SPIDR: variants seen among roughly 807,000 people sequenced by gnomAD.
SPIDR encodes DNA repair-scaffolding protein.
Under a neutral mutation model 104.6 loss-of-function variants are expected in SPIDR, and 93 were observed. The observed-to-expected ratio is 0.89, with a 90% confidence interval of 0.75 to 1.06. The LOEUF (loss-of-function observed/expected upper bound fraction) is 1.06, where lower values mean the gene tolerates loss of function less well. Ranked by LOEUF, SPIDR falls within the 50% of genes least tolerant of loss-of-function variation. SPIDR has a pLI of 0.00. For missense variants in SPIDR, 1,154 were observed against 1,111.2 expected (o/e 1.04, Z -0.55); for synonymous variants, 431 against 416.9 (o/e 1.03, Z -0.41).
chr8:47,673,607 A>T, intron 10 of SPIDR, 194 bp from the exon 11 acceptor site: 2 of 689,974 alleles, frequency 2.9e-6, no homozygotes, highest in South Asian at 1.7e-5. Flanking sequence ...TTTAATCCTG[A>T]CTCACCCATT....
chr8:47,500,929 G>C (rs1319679756), intron 8 of SPIDR, among the ~76,000 whole-genome samples: 1 of 152,096 alleles, frequency 6.6e-6, no homozygotes, highest in East Asian at 1.9e-4. Flanking sequence ...TTTTTGTCAG[G>C]TTTGTCAAAG....
At chr8:47,366,937 A>G (rs1375365145) in intron 5 of SPIDR, among the ~76,000 whole-genome samples, 1 of 152,222 alleles carries the variant, frequency 6.6e-6, no homozygotes, top group Non-Finnish European at 1.5e-5. Flanking sequence ...AAATTGTGGT[A>G]GGTAGAATTC....
intron 8 of SPIDR, among the ~76,000 whole-genome samples, chr8:47,466,598 C>T (rs926378571): frequency 3.3e-5 from 5 of 152,038 alleles, no homozygotes; most frequent in East Asian, 3.9e-4. Flanking sequence ...CAGTGGCTCA[C>T]GCCTGTAATC....
At chr8:47,400,327 C>T (rs550911830) in intron 6 of SPIDR, among the ~76,000 whole-genome samples, 1 of 152,324 alleles carries the variant, frequency 6.6e-6, no homozygotes, top group South Asian at 2.1e-4. Context: ...TCATTTTCTT[C>T]TTGTGATTTC....
At chr8:47,679,150 C>T (rs142185908) in intron 11 of SPIDR, among the ~76,000 whole-genome samples, 138 of 152,348 alleles carry the variant, frequency 9.1e-4, no homozygotes, top group African/African-American at 3.1e-3. Flanking sequence ...ACTCTGGTGC[C>T]TGTGCCTAGG....
intron 5 of SPIDR, among the ~76,000 whole-genome samples, chr8:47,343,789 T>C (rs1554615555): frequency 6.6e-6 from 1 of 152,044 alleles, no homozygotes; most frequent in African/African-American, 2.4e-5. Flanking sequence ...TCCCAGAAGT[T>C]TCTACAGTTA....
rs1554711124 is a variant in SPIDR, at chr8:47,458,370, A to ATTTTATTTTG, written c.1097+17837_1097+17838insGTTTTATTTT. Among the ~76,000 whole-genome samples, 535 of 148,180 alleles carry ATTTTATTTTG rather than the reference A, an allele frequency of 3.6e-3. 6 individuals are homozygous for ATTTTATTTTG. The highest frequency in any genetic ancestry group is 0.013 in the African/African-American group (507 of 40,356). The stretch of plus-strand genomic sequence containing the variant: ...ATTTTATTTTATTTTATTTTATTTT[A>ATTTTATTTTG]TTTTATTTTATTTTATTTTATTGCA... On this transcript the variant is annotated intron_variant, in intron 8 of 19. Coordinates refer to ENST00000297423, the MANE Select transcript of SPIDR (RefSeq NM_001080394.4).
intron 7 of SPIDR, among the ~76,000 whole-genome samples, chr8:47,412,629 G>A (rs1198970989): frequency 6.6e-6 from 1 of 152,070 alleles, no homozygotes; most frequent in Non-Finnish European, 1.5e-5. Context: ...CTTAACTTGT[G>A]ATTATTTTAT....
chr8:47,269,060 G>T (rs1413025462), intron 1 of SPIDR, among the ~76,000 whole-genome samples: 1 of 152,034 alleles, frequency 6.6e-6, no homozygotes, highest in Non-Finnish European at 1.5e-5. Flanking sequence ...CCAGCTACTC[G>T]GGAGGCTGAG....
intron 8 of SPIDR, among the ~76,000 whole-genome samples, chr8:47,526,254 C>T (rs115507389): frequency 9.2e-4 from 140 of 152,292 alleles, no homozygotes; most frequent in Middle Eastern, 3.4e-3. Flanking sequence ...ACAACATGTG[C>T]ATTTCTCACT....
chr8:47,281,605 C>A (rs963918763), intron 2 of SPIDR, among the ~76,000 whole-genome samples: 18 of 152,322 alleles, frequency 1.2e-4, no homozygotes, highest in African/African-American at 4.3e-4. Flanking sequence ...CCATTCAACT[C>A]GTAGGAAATT....
intron 10 of SPIDR, among the ~76,000 whole-genome samples, chr8:47,612,311 A>G (rs145501297): frequency 3.0e-4 from 46 of 152,288 alleles, no homozygotes; most frequent in African/African-American, 1.0e-3. Flanking sequence ...GGAGAAGCTG[A>G]ACATCTCTGA....
chr8:47,614,914 T>G (rs2064092844), intron 10 of SPIDR, among the ~76,000 whole-genome samples: 1 of 152,212 alleles, frequency 6.6e-6, no homozygotes, highest in Non-Finnish European at 1.5e-5. Flanking sequence ...AGATGGTATC[T>G]CATTGTGGTT....
At chr8:47,307,880 T>A (rs889883081) in intron 5 of SPIDR, among the ~76,000 whole-genome samples, 16 of 152,238 alleles carry the variant, frequency 1.1e-4, no homozygotes, top group African/African-American at 3.9e-4. Flanking sequence ...ATAAAGTCTT[T>A]CTCTGGAAGG....
chr8:47,434,060 T>G (rs1279234681), intron 7 of SPIDR, among the ~76,000 whole-genome samples: 4 of 152,222 alleles, frequency 2.6e-5, no homozygotes, highest in Non-Finnish European at 5.9e-5. Context: ...ATACATGTAT[T>G]ATTTTTGGGG....
chr8:47,617,042 T>A (rs73567596), intron 10 of SPIDR, among the ~76,000 whole-genome samples: 2,819 of 152,252 alleles, frequency 0.019, 86 homozygotes, highest in African/African-American at 0.064. Flanking sequence ...GTGTTTTTTT[T>A]ATATATATTT....
At chr8:47,530,628 G>A (rs1296571687) in intron 8 of SPIDR, among the ~76,000 whole-genome samples, 2 of 152,146 alleles carry the variant, frequency 1.3e-5, no homozygotes, top group African/African-American at 2.4e-5. Context: ...ATCAGTGAGT[G>A]AGTGGTGAGT....
At chr8:47,429,945 A>G (rs148758441) in intron 7 of SPIDR, among the ~76,000 whole-genome samples, 9 of 152,150 alleles carry the variant, frequency 5.9e-5, no homozygotes, top group South Asian at 2.1e-4. Context: ...AGCATTAGGT[A>G]TATCTCCTAA....
At chr8:47,528,409 G>C (rs1177280252) in intron 8 of SPIDR, among the ~76,000 whole-genome samples, 1 of 152,114 alleles carries the variant, frequency 6.6e-6, no homozygotes, top group Non-Finnish European at 1.5e-5. Context: ...AAAATTACTA[G>C]GCGTTCTAAA....
Sources: gnomAD v4.1 joint callset for allele counts (sites outside exome capture counted in the v4.1 genomes callset) on GRCh38, gnomAD v4.1.1 for gene constraint, MANE v1.5 for transcripts, NCBI Gene and HGNC (gene_info 2026-07-23, HGNC 2026-07-21) for gene names.